The following ADCY2 variants were observed in gnomAD, a reference collection of about 807,000 sequenced individuals.
The protein encoded by ADCY2 is adenylate cyclase 2.
Under a neutral mutation model 125.2 loss-of-function variants are expected in ADCY2, and 31 were observed. That is an observed-to-expected ratio of 0.25 (90% CI 0.19 to 0.33). The LOEUF (loss-of-function observed/expected upper bound fraction) is 0.33, where lower values mean the gene tolerates loss of function less well. Ranked by LOEUF, ADCY2 falls within the 10% of genes least tolerant of loss-of-function variation. The pLI, the probability that ADCY2 is intolerant of heterozygous loss-of-function variation, is 1.00. For missense variants in ADCY2, 904 were observed against 1,418.2 expected (o/e 0.64, Z 5.82); for synonymous variants, 512 against 548.4 (o/e 0.93, Z 0.93).
At chr5:7,710,797 C>T (rs541901230) in intron 10 of ADCY2, among the ~76,000 whole-genome samples, 1 of 152,172 alleles carries the variant, frequency 6.6e-6, no homozygotes, top group East Asian at 1.9e-4. Context: ...CAGGGGTCCC[C>T]GGTGAGAATG....
chr5:7,691,097 C>T (rs1373876020), intron 5 of ADCY2: 6 of 295,794 alleles, frequency 2.0e-5, no homozygotes, highest in African/African-American at 4.3e-5. Context: ...TGTAGCCAAG[C>T]ATCCATCACA....
At chr5:7,466,443 C>T (rs1040317220) in intron 2 of ADCY2, among the ~76,000 whole-genome samples, 10 of 152,182 alleles carry the variant, frequency 6.6e-5, no homozygotes, top group Admixed American at 2.6e-4. Flanking sequence ...TATCAGCACC[C>T]CTTTTTACAG....
chr5:7,670,512 A>G (rs774286707), intron 4 of ADCY2, among the ~76,000 whole-genome samples: 13 of 152,212 alleles, frequency 8.5e-5, no homozygotes, highest in Admixed American at 3.3e-4. Context: ...TATAACAGAA[A>G]ACAAAAACTT....
Position 7,826,938 on chromosome 5 carries a change from A to G in ADCY2, c.*67A>G, listed in dbSNP as rs1579486948. The G allele has an allele frequency of 6.5e-7, 1 of 1,532,000 alleles. No homozygotes were observed. Among genetic ancestry groups the G allele is most frequent in the Non-Finnish European group, 8.8e-7 (1 of 1,138,396 alleles). The allele number at this position is 1,532,000 out of a possible 1,614,324, so 94.9% of individuals were successfully genotyped here. ...AGGTATCACACACTTTCTGACTGCA[A>G]CTTCTGTCCCTTGTTTTTGATGTGC... On this transcript the variant is annotated 3_prime_UTR_variant, in exon 25 of 25. Transcript: ENST00000338316.
At chr5:7,532,955 C>T (rs866539280) in intron 3 of ADCY2, among the ~76,000 whole-genome samples, 10 of 151,118 alleles carry the variant, frequency 6.6e-5, no homozygotes, top group South Asian at 2.1e-4. Context: ...TCTTTAATCT[C>T]AAATGTTTTT....
chr5:7,768,010 G>A (rs1317980572), intron 17 of ADCY2, among the ~76,000 whole-genome samples: 3 of 149,006 alleles, frequency 2.0e-5, no homozygotes, highest in Admixed American at 6.8e-5. Context: ...CAGCCTGGGC[G>A]ACAGAGTGAG....
intron 15 of ADCY2, 46 bp downstream of exon 15, chr5:7,743,798 A>G (rs1204483820): frequency 1.9e-6 from 3 of 1,576,586 alleles, no homozygotes; most frequent in African/African-American, 2.7e-5. Flanking sequence ...TGCTCATTTC[A>G]TGAAAGCTGA....
intron 3 of ADCY2, among the ~76,000 whole-genome samples, chr5:7,570,947 C>A (rs1736047753): frequency 1.3e-5 from 2 of 152,114 alleles, no homozygotes; most frequent in African/African-American, 4.8e-5. Context: ...GAAACACTCT[C>A]CTTGTTAATG....
chr5:7,716,111 A>C (rs892732650), intron 11 of ADCY2, among the ~76,000 whole-genome samples: 1 of 152,200 alleles, frequency 6.6e-6, no homozygotes, highest in Non-Finnish European at 1.5e-5. Context: ...GAGAGCTCTT[A>C]CTATTTGGCA....
chr5:7,763,539 C>G (rs1743298822), intron 16 of ADCY2, among the ~76,000 whole-genome samples: 1 of 152,174 alleles, frequency 6.6e-6, no homozygotes. Flanking sequence ...TTCATTTTCC[C>G]TACAGCAACT....
rs1745531204 is a variant in ADCY2 at position 7,827,586 on chromosome 5, C to T, written c.*715C>T. On this transcript the variant is annotated 3_prime_UTR_variant, in exon 25 of 25. Coordinates refer to ENST00000338316, the MANE Select transcript of ADCY2 (RefSeq NM_020546.3). ...TGTCTTCTTTCTCCTGTGGTTTGCT[C>T]CAGAATTAAGGTTTGTTTTCCATCC... 6.6e-6 allele frequency: 1 copy of T among 152,318 alleles called. No homozygotes were observed. Among genetic ancestry groups the T allele is most frequent in the Non-Finnish European group, 1.5e-5 (1 of 68,040 alleles). 9.4% of individuals were successfully genotyped at this position (152,318 alleles called of 1,614,324 possible). A position where few individuals can be genotyped will look rare whatever the true frequency, so the allele number is the denominator to read the frequency against.
chr5:7,408,106 G>A (rs1191539821), intron 1 of ADCY2, among the ~76,000 whole-genome samples: 2 of 151,746 alleles, frequency 1.3e-5, no homozygotes, highest in East Asian at 1.9e-4. Flanking sequence ...TCCTGACCTC[G>A]TGATCTGCTC....
Position 7,804,578 on chromosome 5 carries a change from T to C in ADCY2, c.2776-7T>C. ...TGAGTAACTGGACGGTTGTCATTGC[T>C]TCACAGCTTCTTTCCAAGCCAAAAT... is the stretch of plus-strand genomic sequence containing the variant. On this transcript the variant is annotated splice_polypyrimidine_tract_variant and splice_region_variant and intron_variant, in intron 21 of 24. Coordinates refer to ENST00000338316, the MANE Select transcript of ADCY2 (RefSeq NM_020546.3). 3 of 1,612,574 alleles carry C rather than the reference T, an allele frequency of 1.9e-6. No individual in the cohort carries two copies. The highest frequency in any genetic ancestry group is 2.5e-6 in the Non-Finnish European group (3 of 1,178,528).
At chr5:7,687,068 T>G (rs552855043) in intron 4 of ADCY2, among the ~76,000 whole-genome samples, 1 of 152,334 alleles carries the variant, frequency 6.6e-6, no homozygotes, top group Non-Finnish European at 1.5e-5. Flanking sequence ...TGGGTGGCAG[T>G]TACCAACGTC....
At chr5:7,489,930 G>C (rs1170349884) in intron 2 of ADCY2, among the ~76,000 whole-genome samples, 1 of 152,168 alleles carries the variant, frequency 6.6e-6, no homozygotes, top group Non-Finnish European at 1.5e-5. Flanking sequence ...GCTGCGTATA[G>C]CTTCAGCATT....
At chr5:7,686,267 T>C (rs1415682664) in intron 4 of ADCY2, among the ~76,000 whole-genome samples, 1 of 152,246 alleles carries the variant, frequency 6.6e-6, no homozygotes, top group Non-Finnish European at 1.5e-5. Context: ...CTACAATGTC[T>C]GCCTTGCTTC....
At chr5:7,630,267 T>C (rs1030828714) in intron 4 of ADCY2, among the ~76,000 whole-genome samples, 26 of 152,314 alleles carry the variant, frequency 1.7e-4, no homozygotes, top group South Asian at 1.0e-3. Context: ...GGGTAGATAA[T>C]GACAAATTTA....
rs181510584 is a variant in ADCY2, at chr5:7,716,797, C to T, written c.1623-360C>T. Among the ~76,000 whole-genome samples the T allele has an allele frequency of 2.2e-3, 332 of 152,306 alleles. 3 individuals are homozygous for T. The highest frequency in any genetic ancestry group is 5.2e-3 in the Admixed American group (79 of 15,296). Reference sequence around the variant, plus strand: ...AGAGTAGAATGATAGATACCAGAGACTATCTGGATGGGAGATGGGTGGGTA... The same window carrying T: ...AGAGTAGAATGATAGATACCAGAGATTATCTGGATGGGAGATGGGTGGGTA... On this transcript the variant is annotated intron_variant, in intron 11 of 24. Transcript: ENST00000338316.
intron 3 of ADCY2, among the ~76,000 whole-genome samples, chr5:7,587,331 A>G (rs1031704096): frequency 1.3e-5 from 2 of 152,178 alleles, no homozygotes; most frequent in Non-Finnish European, 2.9e-5. Flanking sequence ...GGCACTAAGC[A>G]GTGTCATGAG....
Sources: allele counts gnomAD v4.1 joint callset (sites outside exome capture counted in the v4.1 genomes callset), GRCh38; gene constraint gnomAD v4.1.1; transcripts MANE v1.5; gene names NCBI Gene and HGNC (gene_info 2026-07-23, HGNC 2026-07-21).